The following KAT2B variants were observed in gnomAD, a reference collection of about 807,000 sequenced individuals.
The protein encoded by KAT2B is lysine acetyltransferase 2B.
KAT2B carries 36 observed loss-of-function variants against 105.9 expected under a neutral mutation model. That is an observed-to-expected ratio of 0.34 (90% CI 0.26 to 0.45). The LOEUF (loss-of-function observed/expected upper bound fraction) is 0.45, where lower values mean the gene tolerates loss of function less well. Ranked by LOEUF, KAT2B falls within the 20% of genes least tolerant of loss-of-function variation. KAT2B has a pLI of 1.00. For synonymous variants in KAT2B, 397 were observed against 377.9 expected, an observed-to-expected ratio of 1.05 and a Z score of -0.59; for missense variants, 820 against 1,021.6, an observed-to-expected ratio of 0.80 and a Z score of 2.69.
In KAT2B at chr3:20,152,330, A is replaced by G; in HGVS notation, c.2306-2A>G. The G allele has an allele frequency of 6.2e-7, 1 of 1,608,832 alleles. No homozygotes were observed. Among genetic ancestry groups the G allele is most frequent in the Non-Finnish European group, 8.5e-7 (1 of 1,177,134 alleles). ...TTGCTAATATTTTTTTTTCCTGTGC[A>G]GATCTGAAAACCATGAGTGAACGCC... On this transcript the variant is annotated splice_acceptor_variant, in intron 17 of 17. Transcript: ENST00000263754. LOFTEE classifies it high-confidence loss of function.
chr3:20,099,724 T>C (rs2125197784), intron 3 of KAT2B, 138 bp from the exon 4 acceptor site: 1 of 544,382 alleles, frequency 1.8e-6, no homozygotes, highest in Non-Finnish European at 3.4e-6. Context: ...AAATAGAATA[T>C]GGTAACTTCC....
In KAT2B at chr3:20,085,018, T is replaced by G. The variant is rs78221220; in HGVS notation, c.431-10245T>G. Among the ~76,000 whole-genome samples the G allele has an allele frequency of 5.6e-3, 858 of 152,322 alleles. 6 individuals carry two copies. Among genetic ancestry groups the G allele is most frequent in the Middle Eastern group, 0.024 (7 of 294 alleles). On this transcript the variant is annotated intron_variant, in intron 2 of 17. Transcript: ENST00000263754. Reference sequence around the variant, plus strand: ...AAGGAATTTACTTGATATTGTATACTGATTGCTTTCATAGCTTATCACAAA... The same window carrying G: ...AAGGAATTTACTTGATATTGTATACGGATTGCTTTCATAGCTTATCACAAA...
chr3:20,048,736 T>G (rs1451587882), intron 1 of KAT2B, among the ~76,000 whole-genome samples: 1 of 152,230 alleles, frequency 6.6e-6, no homozygotes, highest in Non-Finnish European at 1.5e-5. Flanking sequence ...TTCCTACTCT[T>G]GCATGCTGCT....
intron 1 of KAT2B, among the ~76,000 whole-genome samples, chr3:20,069,311 G>A (rs1453785647): frequency 1.3e-5 from 2 of 152,064 alleles, no homozygotes; most frequent in Non-Finnish European, 2.9e-5. Flanking sequence ...CAAGTATGTG[G>A]GGAAACCAAT....
chr3:20,054,242 C>T lies in KAT2B; in HGVS notation c.303+13462C>T, dbSNP rs562659723. ...CCTCCTGGGTTCAAGCAATTCTCTG[C>T]CTCAGCCTCCTGAGTAGCTGGGATT... On this transcript the variant is annotated intron_variant, in intron 1 of 17. Coordinates refer to ENST00000263754, the MANE Select transcript of KAT2B (RefSeq NM_003884.5). Among the ~76,000 whole-genome samples, 6 of 152,144 alleles carry T rather than the reference C, an allele frequency of 3.9e-5. No homozygotes were observed. The East Asian group carries it at 9.7e-4, about 24-fold the overall frequency.
At chr3:20,135,027 G>A (rs1355394646) in intron 11 of KAT2B, among the ~76,000 whole-genome samples, 1 of 152,106 alleles carries the variant, frequency 6.6e-6, no homozygotes, top group Non-Finnish European at 1.5e-5. Context: ...AGCCACATGA[G>A]GCTAGTGTCT....
intron 3 of KAT2B, 55 bp downstream of exon 3, chr3:20,095,463 C>A: frequency 7.9e-7 from 1 of 1,261,732 alleles, no homozygotes; most frequent in Non-Finnish European, 1.1e-6. Context: ...TGTACCCAGT[C>A]TCCATATGCC....
rs10538060 is a variant in KAT2B, at chr3:20,045,317, C to CTATT, written c.303+4583_303+4586dup. On this transcript the variant is annotated intron_variant, in intron 1 of 17. Transcript: ENST00000263754. ...ACAGGTGTGAGCCACTGCACCTGGC[C>CTATT]TATTTATTTATTTATTTATTTATTT... Among the ~76,000 whole-genome samples, 538 of 138,068 alleles carry CTATT rather than the reference C, an allele frequency of 3.9e-3. 5 individuals are homozygous for CTATT. Among genetic ancestry groups the CTATT allele is most frequent in the African/African-American group, 0.012 (442 of 37,128 alleles). The allele number at this position is 138,068 out of a possible 152,430, so 90.6% of individuals were successfully genotyped here.
intron 7 of KAT2B, among the ~76,000 whole-genome samples, chr3:20,119,297 A>G (rs1307512569): frequency 8.1e-6 from 1 of 123,524 alleles, no homozygotes; most frequent in Admixed American, 8.2e-5. Context: ...TTTTTTTTTT[A>G]CTAACTACCA....
At chr3:20,074,551 T>C (rs113491905) in intron 2 of KAT2B, among the ~76,000 whole-genome samples, 2,833 of 152,348 alleles carry the variant, frequency 0.019, 45 homozygotes, top group Middle Eastern at 0.058. Context: ...ATGTTGTTCG[T>C]AGTAGTGGTA....
Position 20,074,676 on chromosome 3 carries a change from A to T in KAT2B, c.430+2217A>T, listed in dbSNP as rs532070197. ...CTAGTAGCTTCTAGAAGCTGAAAAC[A>T]ATGGGAAAACAGGTTTTGATCTTGT... On this transcript the variant is annotated intron_variant, in intron 2 of 17. Transcript: ENST00000263754. 2.6e-5 allele frequency among the ~76,000 whole-genome samples: 4 copies of T among 152,308 alleles called. No individual in the cohort carries two copies. In the South Asian group the frequency reaches 8.3e-4, roughly 32 times the overall value.
chr3:20,100,952 A>G (rs1698899191), intron 4 of KAT2B: 2 of 278,144 alleles, frequency 7.2e-6, no homozygotes, highest in Non-Finnish European at 1.4e-5. Context: ...ATAGTAAAGC[A>G]ATAATTATTC....
At chr3:20,121,699 A>T (rs964699647) in intron 8 of KAT2B, among the ~76,000 whole-genome samples, 26 of 151,950 alleles carry the variant, frequency 1.7e-4, no homozygotes, top group South Asian at 1.5e-3. Context: ...AGCTATATAT[A>T]CATAATATAT....
At chr3:20,097,533 T>A (rs73038113) in intron 3 of KAT2B, among the ~76,000 whole-genome samples, 23,049 of 152,188 alleles carry the variant, frequency 0.15, 2,098 homozygotes, top group Middle Eastern at 0.22. Flanking sequence ...GATTAAAATT[T>A]TTTTTTAATT....
chr3:20,079,278 C>T (rs1417017095), intron 2 of KAT2B, among the ~76,000 whole-genome samples: 1 of 147,562 alleles, frequency 6.8e-6, no homozygotes, highest in Non-Finnish European at 1.5e-5. Context: ...AATCTCGGCT[C>T]ACTGCAACTT....
At chr3:20,106,995 ATATATATATATATATATATATTTT>A (rs1559316190) in intron 5 of KAT2B, among the ~76,000 whole-genome samples, 11 of 17,208 alleles carry the variant, frequency 6.4e-4, no homozygotes, top group South Asian at 3.1e-3. Context: ...ATATATATAT[ATATATATATATATATATATATTTT>A]TTTTTTTTTT....
Position 20,046,957 on chromosome 3 carries a change from C to G in KAT2B, c.303+6177C>G, listed in dbSNP as rs149617489. On this transcript the variant is annotated intron_variant, in intron 1 of 17. Coordinates refer to ENST00000263754, the MANE Select transcript of KAT2B (RefSeq NM_003884.5). ...CCCACAATGCACAGGACAACTCCCCCCAACGAATGATTATCTGGTCCAAAA... is the reference window on the plus strand; with the variant it reads ...CCCACAATGCACAGGACAACTCCCCGCAACGAATGATTATCTGGTCCAAAA... 1.8e-3 allele frequency among the ~76,000 whole-genome samples: 273 copies of G among 152,222 alleles called. 1 individual carries two copies. The highest frequency in any genetic ancestry group is 6.2e-3 in the African/African-American group (257 of 41,542).
At chr3:20,086,555 C>G (rs770877886) in intron 2 of KAT2B, among the ~76,000 whole-genome samples, 1 of 152,128 alleles carries the variant, frequency 6.6e-6, no homozygotes, top group African/African-American at 2.4e-5. Context: ...GAGCCAAGAT[C>G]GCACCATTGC....
intron 6 of KAT2B, 30 bp from the exon 7 acceptor site, chr3:20,114,852 T>A (rs200480938): frequency 2.2e-5 from 28 of 1,290,792 alleles, no homozygotes; most frequent in East Asian, 4.6e-5. Flanking sequence ...AGTTTTTTTT[T>A]AATCTTATTG....
Sources: allele counts gnomAD v4.1 joint callset (sites outside exome capture counted in the v4.1 genomes callset), GRCh38; gene constraint gnomAD v4.1.1; transcripts MANE v1.5; gene names NCBI Gene and HGNC (gene_info 2026-07-23, HGNC 2026-07-21).